NKAIN3: variants seen among roughly 807,000 people sequenced by gnomAD.
NKAIN3 encodes the protein sodium/potassium-transporting ATPase subunit beta-1-interacting protein 3.
In NKAIN3, 25 loss-of-function variants were observed where a neutral mutation model predicts 30.2. That is an observed-to-expected ratio of 0.83 (90% CI 0.60 to 1.16). The LOEUF (loss-of-function observed/expected upper bound fraction) is 1.16. NKAIN3 is among the 50% of genes most tolerant of loss of function. The probability of loss-of-function intolerance (pLI) is 0.00; values close to 1 mark genes in which losing one functional copy is unlikely to be tolerated. For missense variants in NKAIN3, 225 were observed against 254.1 expected (o/e 0.89, Z 0.78); for synonymous variants, 91 against 89.6 (o/e 1.02, Z -0.09).
chr8:62,783,620 T>C (rs1173820891), intron 4 of NKAIN3, among the ~76,000 whole-genome samples: 2 of 149,910 alleles, frequency 1.3e-5, no homozygotes, highest in African/African-American at 2.5e-5. Flanking sequence ...TTTTTTTTTT[T>C]TTTTTGAGAC....
intron 1 of NKAIN3, among the ~76,000 whole-genome samples, chr8:62,531,190 C>T (rs1245732410): frequency 2.0e-5 from 3 of 152,166 alleles, no homozygotes; most frequent in Non-Finnish European, 4.4e-5. Flanking sequence ...GCAAATACTC[C>T]TGGCCACATC....
intron 3 of NKAIN3, among the ~76,000 whole-genome samples, chr8:62,655,264 T>G (rs1351055319): frequency 6.6e-6 from 1 of 152,186 alleles, no homozygotes; most frequent in African/African-American, 2.4e-5. Flanking sequence ...ATACTTTAAA[T>G]ATATATGAAT....
chr8:62,326,150 AAC>A (rs1188988410), intron 1 of NKAIN3, among the ~76,000 whole-genome samples: 1 of 151,990 alleles, frequency 6.6e-6, no homozygotes, highest in East Asian at 1.9e-4. Flanking sequence ...GGAAAGAAGA[AAC>A]ACTGCAGGAT....
At chr8:62,948,350 C>G (rs1384300804) in intron 5 of NKAIN3, among the ~76,000 whole-genome samples, 1 of 152,034 alleles carries the variant, frequency 6.6e-6, no homozygotes, top group Admixed American at 6.6e-5. Context: ...CAGGCACGCG[C>G]CACCACGCCC....
chr8:62,925,555 C>G (rs1822409618), intron 5 of NKAIN3, among the ~76,000 whole-genome samples: 1 of 152,166 alleles, frequency 6.6e-6, no homozygotes, highest in African/African-American at 2.4e-5. Flanking sequence ...TCCTGCACCC[C>G]AGAGGGGGTT....
intron 1 of NKAIN3, among the ~76,000 whole-genome samples, chr8:62,512,450 T>C (rs1277939407): frequency 6.6e-6 from 1 of 152,162 alleles, no homozygotes; most frequent in African/African-American, 2.4e-5. Flanking sequence ...CTCTAATATG[T>C]GACCATGGTT....
chr8:62,826,739 T>C (rs1819037348), intron 4 of NKAIN3, among the ~76,000 whole-genome samples: 1 of 152,206 alleles, frequency 6.6e-6, no homozygotes, highest in South Asian at 2.1e-4. Flanking sequence ...CTTTTGGAAA[T>C]GCTAATTAAT....
intron 3 of NKAIN3, among the ~76,000 whole-genome samples, chr8:62,649,126 A>C (rs1812553289): frequency 6.6e-6 from 1 of 152,222 alleles, no homozygotes; most frequent in Non-Finnish European, 1.5e-5. Context: ...CAAAGATTGA[A>C]AGAAAAAAGC....
chr8:62,610,880 A>T (rs10108125), intron 3 of NKAIN3, among the ~76,000 whole-genome samples: 3,583 of 152,116 alleles, frequency 0.024, 102 homozygotes, highest in African/African-American at 0.074. Flanking sequence ...GTTTTTTACT[A>T]TGTTCTTATG....
At chr8:62,729,024 C>CAAAAAAAAAAAAAAAAAAAAAAAA (rs71501600) in intron 3 of NKAIN3, among the ~76,000 whole-genome samples, 1 of 16,450 alleles carries the variant, frequency 6.1e-5, no homozygotes, top group Non-Finnish European at 1.2e-4. Context: ...ACAAACAAAC[C>CAAAAAAAAAAAAAAAAAAAAAAAA]AAAAAAAAAA....
At chr8:62,947,863 C>T (rs1413022628) in intron 5 of NKAIN3, among the ~76,000 whole-genome samples, 3 of 152,196 alleles carry the variant, frequency 2.0e-5, no homozygotes, top group Non-Finnish European at 4.4e-5. Flanking sequence ...GAAGCTGCTC[C>T]TGCAGCCTCC....
intron 1 of NKAIN3, among the ~76,000 whole-genome samples, chr8:62,372,757 T>C (rs1816948438): frequency 6.6e-6 from 1 of 151,848 alleles, no homozygotes; most frequent in Non-Finnish European, 1.5e-5. Context: ...CAAAACTTCA[T>C]GAAGTATTTA....
At chr8:62,470,622 G>C (rs1806299252) in intron 1 of NKAIN3, among the ~76,000 whole-genome samples, 1 of 152,088 alleles carries the variant, frequency 6.6e-6, no homozygotes, top group African/African-American at 2.4e-5. Context: ...CATCACATGA[G>C]CTGAAGGCAG....
At chr8:62,871,535 A>G (rs1374066866) in intron 4 of NKAIN3, among the ~76,000 whole-genome samples, 1 of 152,236 alleles carries the variant, frequency 6.6e-6, no homozygotes, top group East Asian at 1.9e-4. Flanking sequence ...GAACAATATT[A>G]TTAACTGTAG....
At position 62,984,139 on chromosome 8, in the gene NKAIN3, G is replaced by C. The variant is rs544344111; in HGVS notation, c.*18732G>C. 3.0e-4 allele frequency: 45 copies of C among 152,170 alleles called. No individual in the cohort carries two copies. The highest frequency in any genetic ancestry group is 6.5e-4 in the Admixed American group (10 of 15,280). 9.4% of individuals were successfully genotyped at this position (152,170 alleles called of 1,614,324 possible). On this transcript the variant is annotated 3_prime_UTR_variant, in exon 7 of 7. Coordinates refer to ENST00000623646, the MANE Select transcript of NKAIN3 (RefSeq NM_001304533.3). Reference sequence around the variant, plus strand: ...GATGATGATTATTGAAAGCACGATAGCAATGTTTAAGTGGTGAGAATGACT... The same window carrying C: ...GATGATGATTATTGAAAGCACGATACCAATGTTTAAGTGGTGAGAATGACT...
intron 1 of NKAIN3, among the ~76,000 whole-genome samples, chr8:62,379,894 C>T (rs149237965): frequency 3.5e-4 from 53 of 152,258 alleles, no homozygotes; most frequent in African/African-American, 1.3e-3. Context: ...AGGCATTCTT[C>T]ACATTTTCAT....
chr8:62,267,467 T>G (rs1410742696), intron 1 of NKAIN3, among the ~76,000 whole-genome samples: 1 of 152,208 alleles, frequency 6.6e-6, no homozygotes, highest in East Asian at 1.9e-4. Context: ...CATGTGACAT[T>G]AATACATTTA....
chr8:62,690,471 C>T (rs1041954084), intron 3 of NKAIN3, among the ~76,000 whole-genome samples: 5 of 152,206 alleles, frequency 3.3e-5, no homozygotes. Flanking sequence ...CGGAAGTACA[C>T]GCTACTATGC....
At chr8:62,519,128 A>T (rs183551132) in intron 1 of NKAIN3, among the ~76,000 whole-genome samples, 1 of 152,156 alleles carries the variant, frequency 6.6e-6, no homozygotes, top group African/African-American at 2.4e-5. Flanking sequence ...TCCTGCCTTC[A>T]GTGAGCTTCT....
Sources: allele counts gnomAD v4.1 joint callset (sites outside exome capture counted in the v4.1 genomes callset), GRCh38; gene constraint gnomAD v4.1.1; transcripts MANE v1.5; gene names NCBI Gene and HGNC (gene_info 2026-07-23, HGNC 2026-07-21).